The following PBX3 variants were observed in gnomAD, a reference collection of about 807,000 sequenced individuals.
The protein encoded by PBX3 is PBX homeobox 3.
A neutral mutation model predicts 48.5 loss-of-function variants in PBX3; 14 were observed. The observed-to-expected ratio is 0.29, with a 90% CI of 0.19 to 0.45. PBX3 has a LOEUF of 0.45. PBX3 is among the 20% of genes least tolerant of loss of function. The pLI is 1.00. For missense variants in PBX3, 386 were observed against 546.7 expected (o/e 0.71, Z 2.93); for synonymous variants, 210 against 200.3 (o/e 1.05, Z -0.41).
chr9:125,960,755 C>G lies in PBX3; in HGVS notation c.915C>G (p.Asn305Lys). Residue 305 changes from asparagine (N) to lysine (K), a missense_variant, in exon 6 of 9, where the codon AAC becomes AAG. By Grantham distance (94) the Asn-to-Lys change is moderately conservative. Transcript: ENST00000373489. Reference sequence around the variant, plus strand: ...TTGGCAAGTTTCAGGAAGAAGCCAACCTCTATGCTGCAAAGACGGCCGTGA... The same window carrying G: ...TTGGCAAGTTTCAGGAAGAAGCCAAGCTCTATGCTGCAAAGACGGCCGTGA... ...KNIGKFQEEA[N>K]LYAAKTAVTA... 6.2e-7 allele frequency: 1 copy of G among 1,614,232 alleles called. No individual in the cohort carries two copies. The highest frequency in any genetic ancestry group is 1.1e-5 in the South Asian group (1 of 91,084).
intron 2 of PBX3, chr9:125,749,230 A>G (rs1284698902): frequency 6.6e-6 from 1 of 152,330 alleles, no homozygotes; most frequent in Non-Finnish European, 1.5e-5. Context: ...AACTGTGCTT[A>G]ATATATAAAG....
At chr9:125,929,890 C>A in intron 4 of PBX3, 45 bp downstream of exon 4, 2 of 1,408,776 alleles carry the variant, frequency 1.4e-6, no homozygotes, top group South Asian at 1.2e-5. Flanking sequence ...CCCCGTCTGT[C>A]ACTCCTTGTG....
At chr9:125,870,453 A>G (rs1378204954) in intron 2 of PBX3, among the ~76,000 whole-genome samples, 2 of 152,078 alleles carry the variant, frequency 1.3e-5, no homozygotes, top group Non-Finnish European at 2.9e-5. Context: ...AGGCTGGGTG[A>G]TCTGACAGAG....
intron 3 of PBX3, among the ~76,000 whole-genome samples, chr9:125,925,160 G>A (rs1485917897): frequency 6.6e-6 from 1 of 152,076 alleles, no homozygotes; most frequent in East Asian, 1.9e-4. Flanking sequence ...AAGTCAAATG[G>A]GCTTTTATTG....
intron 2 of PBX3, among the ~76,000 whole-genome samples, chr9:125,845,378 A>C (rs1019388335): frequency 6.6e-6 from 1 of 152,138 alleles, no homozygotes; most frequent in Non-Finnish European, 1.5e-5. Context: ...AAAACAAAAA[A>C]TATGACCTTT....
rs771442303 is a variant in PBX3, at chr9:125,857,381, C to T, written c.275-58305C>T. 1.1e-4 allele frequency among the ~76,000 whole-genome samples: 16 copies of T among 152,044 alleles called. 1 individual carries two copies. Among genetic ancestry groups the T allele is most frequent in the South Asian group, 6.2e-4 (3 of 4,820 alleles). ...AGAAGTTTTGGATTTTGGAGCATTTCGAATTTCAGATTTTTGGATTAGGGA... is the reference window on the plus strand; with the variant it reads ...AGAAGTTTTGGATTTTGGAGCATTTTGAATTTCAGATTTTTGGATTAGGGA... On this transcript the variant is annotated intron_variant, in intron 2 of 8. Coordinates refer to ENST00000373489, the MANE Select transcript of PBX3 (RefSeq NM_006195.6).
At chr9:125,874,920 A>C (rs1047962164) in intron 2 of PBX3, among the ~76,000 whole-genome samples, 3 of 152,186 alleles carry the variant, frequency 2.0e-5, no homozygotes, top group African/African-American at 7.2e-5. Flanking sequence ...ATAGCAAAAA[A>C]GGGCAAAACC....
At chr9:125,813,004 A>T (rs563261365) in intron 2 of PBX3, among the ~76,000 whole-genome samples, 5 of 152,240 alleles carry the variant, frequency 3.3e-5, no homozygotes, top group Non-Finnish European at 7.3e-5. Flanking sequence ...ACATTAGTGC[A>T]TACTACCGCA....
intron 2 of PBX3, among the ~76,000 whole-genome samples, chr9:125,871,542 G>T (rs1292881420): frequency 1.3e-5 from 2 of 152,096 alleles, no homozygotes; most frequent in Non-Finnish European, 2.9e-5. Context: ...GAATGAAAGA[G>T]CAAGGTATAA....
intron 2 of PBX3, among the ~76,000 whole-genome samples, chr9:125,891,922 A>G (rs945666725): frequency 2.0e-5 from 3 of 151,988 alleles, no homozygotes; most frequent in Non-Finnish European, 2.9e-5. Flanking sequence ...ATTTTATTTT[A>G]TTTTATTAAT....
In PBX3 at chr9:125,795,583, A is replaced by G. The variant is rs184063221; in HGVS notation, c.274+46960A>G. 3.3e-3 allele frequency among the ~76,000 whole-genome samples: 508 copies of G among 152,270 alleles called. 4 individuals are homozygous for G. Among genetic ancestry groups the G allele is most frequent in the African/African-American group, 0.012 (492 of 41,544 alleles). ...CAACATGTAAACTGTAATGATTCCAATGATGCCTTATTGCATCTAAAGAAA... is the reference window on the plus strand; with the variant it reads ...CAACATGTAAACTGTAATGATTCCAGTGATGCCTTATTGCATCTAAAGAAA... On this transcript the variant is annotated intron_variant, in intron 2 of 8. Coordinates refer to ENST00000373489, the MANE Select transcript of PBX3 (RefSeq NM_006195.6).
In PBX3 at chr9:125,929,695, G is replaced by A. The variant is rs1841671945; in HGVS notation, c.557G>A (p.Arg186Gln). The A allele has an allele frequency of 2.5e-6, 4 of 1,612,780 alleles. No homozygotes were observed. Among genetic ancestry groups the A allele is most frequent in the South Asian group, 1.1e-5 (1 of 90,792 alleles). The change falls in exon 4 of 9, where the codon CGA (arginine) becomes CAA (glutamine). Residue 186 changes from arginine (R) to glutamine (Q), a missense_variant. Physicochemically the swap from Arg to Gln is conservative, Grantham distance 43 (BLOSUM62 1). Around this residue, in one of 4 missense-constraint regions of PBX3, gnomAD observed 74 missense variants for 206.1 expected, o/e 0.36. Coordinates refer to ENST00000373489, the MANE Select transcript of PBX3 (RefSeq NM_006195.6). The stretch of plus-strand genomic sequence containing the variant: ...ACTACACATGTGATGAACCTTCTCC[G>A]AGAACAGAGTAGAACACGTCCCATT... ...EFTTHVMNLL[R>Q]EQSRTRPISP...
At chr9:125,845,916 A>G (rs1169080666) in intron 2 of PBX3, among the ~76,000 whole-genome samples, 1 of 152,174 alleles carries the variant, frequency 6.6e-6, no homozygotes, top group Non-Finnish European at 1.5e-5. Flanking sequence ...TTAAGAAAGT[A>G]AATGTATAAA....
chr9:125,802,367 T>A (rs1040502964), intron 2 of PBX3, among the ~76,000 whole-genome samples: 37 of 142,314 alleles, frequency 2.6e-4, no homozygotes, highest in East Asian at 6.1e-4. Flanking sequence ...GCATTTTTTT[T>A]TTTTTTTTTT....
chr9:125,751,295 TAAAAC>T (rs894202184), intron 2 of PBX3, among the ~76,000 whole-genome samples: 1 of 152,202 alleles, frequency 6.6e-6, no homozygotes, highest in Non-Finnish European at 1.5e-5. Flanking sequence ...GCTTTTCTTC[TAAAAC>T]AAAACAAAAT....
At chr9:125,870,561 C>G (rs1378834921) in intron 2 of PBX3, among the ~76,000 whole-genome samples, 1 of 152,202 alleles carries the variant, frequency 6.6e-6, no homozygotes, top group African/African-American at 2.4e-5. Context: ...GAAACACCCA[C>G]TCCCGTGATT....
At chr9:125,843,085 T>G (rs779728432) in intron 2 of PBX3, among the ~76,000 whole-genome samples, 1 of 152,100 alleles carries the variant, frequency 6.6e-6, no homozygotes, top group Non-Finnish European at 1.5e-5. Flanking sequence ...AATATTAAGA[T>G]GTTTTATTTT....
At chr9:125,916,857 A>G (rs1841345463) in intron 3 of PBX3, among the ~76,000 whole-genome samples, 1 of 152,180 alleles carries the variant, frequency 6.6e-6, no homozygotes, top group East Asian at 1.9e-4. Context: ...ATTATGAAAC[A>G]TTTTATAATA....
At chr9:125,850,671 A>G (rs1178644494) in intron 2 of PBX3, among the ~76,000 whole-genome samples, 1 of 152,032 alleles carries the variant, frequency 6.6e-6, no homozygotes, top group African/African-American at 2.4e-5. Context: ...AAAAATTATA[A>G]TTTGTAAAGC....
Sources: allele counts gnomAD v4.1 joint callset (sites outside exome capture counted in the v4.1 genomes callset), GRCh38; gene constraint gnomAD v4.1.1; regional missense constraint gnomAD v4.1.1; transcripts MANE v1.5; gene names NCBI Gene and HGNC (gene_info 2026-07-23, HGNC 2026-07-21).